The following LPP variants were observed in gnomAD, a reference collection of about 807,000 sequenced individuals.
LPP encodes LIM domain containing preferred translocation partner in lipoma.
Under a neutral mutation model 60.4 loss-of-function variants are expected in LPP, and 38 were observed. That is an observed-to-expected ratio of 0.63 (90% confidence interval 0.49 to 0.83). The LOEUF (loss-of-function observed/expected upper bound fraction) is 0.83. LPP is among the 40% of genes least tolerant of loss of function. The pLI, the probability that LPP is intolerant of heterozygous loss-of-function variation, is 0.00. For missense variants in LPP, 902 were observed against 783.6 expected (o/e 1.15, Z -1.80); for synonymous variants, 328 against 290.8 (o/e 1.13, Z -1.30).
chr3:188,824,435 T>C (rs1754833320), intron 9 of LPP, among the ~76,000 whole-genome samples: 1 of 152,194 alleles, frequency 6.6e-6, no homozygotes, highest in Non-Finnish European at 1.5e-5. Flanking sequence ...CAAGAACCAT[T>C]TATGGCTAGT....
intron 9 of LPP, among the ~76,000 whole-genome samples, chr3:188,863,737 A>T (rs1256426431): frequency 1.3e-5 from 2 of 152,272 alleles, no homozygotes; most frequent in East Asian, 3.9e-4. Context: ...TTTTAATCAC[A>T]TTTTATACTT....
chr3:188,272,901 C>T (rs1738294512), intron 2 of LPP, among the ~76,000 whole-genome samples: 1 of 152,158 alleles, frequency 6.6e-6, no homozygotes. Context: ...ACCCCTTTAA[C>T]ACCTATTAAC....
chr3:188,422,593 G>T (rs1334481246), intron 4 of LPP, among the ~76,000 whole-genome samples: 2 of 152,016 alleles, frequency 1.3e-5, no homozygotes, highest in Admixed American at 6.6e-5. Flanking sequence ...GAGTTTTCTG[G>T]TTTTTACAAA....
At chr3:188,859,532 C>G (rs886225227) in intron 9 of LPP, among the ~76,000 whole-genome samples, 15 of 152,298 alleles carry the variant, frequency 9.8e-5, no homozygotes, top group African/African-American at 3.6e-4. Context: ...CCTTTGAGGG[C>G]AAGGATGGCA....
chr3:188,355,451 C>T (rs1439611093), intron 3 of LPP, among the ~76,000 whole-genome samples: 1 of 152,140 alleles, frequency 6.6e-6, no homozygotes, highest in Non-Finnish European at 1.5e-5. Context: ...AATCCCTCTG[C>T]TTTATAGACT....
intron 6 of LPP, among the ~76,000 whole-genome samples, chr3:188,599,786 GT>G (rs1840742258): frequency 6.6e-6 from 1 of 151,304 alleles, no homozygotes; most frequent in African/African-American, 2.4e-5. Flanking sequence ...GTGTGTGTGT[GT>G]GTGGTGTGTG....
At chr3:188,774,038 A>C (rs1736935735) in intron 9 of LPP, among the ~76,000 whole-genome samples, 1 of 152,214 alleles carries the variant, frequency 6.6e-6, no homozygotes, top group Admixed American at 6.5e-5. Flanking sequence ...AAAGCTTAGA[A>C]AACCAGGGGG....
intron 6 of LPP, among the ~76,000 whole-genome samples, chr3:188,602,515 A>G (rs1335190164): frequency 2.1e-4 from 32 of 151,904 alleles, no homozygotes; most frequent in Admixed American, 2.0e-3. Context: ...GCCATTATTT[A>G]TTAAGTGCCT....
At chr3:188,763,818 T>C (rs1390513996) in intron 9 of LPP, among the ~76,000 whole-genome samples, 1 of 152,108 alleles carries the variant, frequency 6.6e-6, no homozygotes, top group Non-Finnish European at 1.5e-5. Context: ...ATTTTATTTT[T>C]TATTTTGAAT....
Position 188,890,277 on chromosome 3 carries a change from G to A in LPP, c.*15798G>A. ...GGAAAGGCACACAAAAACATATAAA[G>A]AATATGTCTATTTTCATATGTGTGA... On this transcript the variant is annotated 3_prime_UTR_variant, in exon 12 of 12. Transcript: ENST00000617246. 4.8e-6 allele frequency: 1 copy of A among 210,504 alleles called. No individual in the cohort carries two copies. The highest frequency in any genetic ancestry group is 9.6e-6 in the Non-Finnish European group (1 of 103,636). The allele number at this position is 210,504 out of a possible 1,614,324, so 13.0% of individuals were successfully genotyped here.
intron 6 of LPP, among the ~76,000 whole-genome samples, chr3:188,574,087 C>T: frequency 6.6e-6 from 1 of 152,114 alleles, no homozygotes; most frequent in East Asian, 1.9e-4. Context: ...AGGCTTCTTT[C>T]CAAGCCCTCC....
chr3:188,843,371 T>G (rs573360320), intron 9 of LPP, among the ~76,000 whole-genome samples: 80 of 152,330 alleles, frequency 5.3e-4, no homozygotes, highest in Admixed American at 2.9e-3. Context: ...GTGGCAGCTC[T>G]GCGCTGGCTT....
intron 4 of LPP, among the ~76,000 whole-genome samples, chr3:188,462,618 GTGTGTGTGTGTGTGTGTTAC>G (rs1367751676): frequency 6.2e-5 from 8 of 128,780 alleles, no homozygotes; most frequent in Non-Finnish European, 1.2e-4. Context: ...GTGTGTGTGT[GTGTGTGTGTGTGTGTGTTAC>G]TTTTTTGGGT....
At position 188,352,304 on chromosome 3, in the gene LPP, G is replaced by A. The variant is rs1384634330; in HGVS notation, c.-10+10585G>A. Among the ~76,000 whole-genome samples, 3 of 152,320 alleles carry A rather than the reference G, an allele frequency of 2.0e-5. No individual in the cohort carries two copies. The highest frequency in any genetic ancestry group is 3.9e-4 in the East Asian group (2 of 5,178). On this transcript the variant is annotated intron_variant, in intron 3 of 11. Transcript: ENST00000617246. The surrounding 1 kb of genome is among the most constrained non-coding windows in gnomAD (Gnocchi z 4.4). ...TGCTGTTCTGAAATGTGGCAGCTGC[G>A]CACACGTATTGGCTGCTTTTTCTCC...
chr3:188,458,376 T>C (rs146226918), intron 4 of LPP, among the ~76,000 whole-genome samples: 142 of 152,306 alleles, frequency 9.3e-4, no homozygotes, highest in African/African-American at 3.2e-3. Flanking sequence ...CATAGTGCAT[T>C]TTAACTAATA....
chr3:188,203,601 A>ATAAATATATATT (rs1732268699), intron 1 of LPP, among the ~76,000 whole-genome samples: 1 of 113,434 alleles, frequency 8.8e-6, no homozygotes, highest in Admixed American at 1.3e-4. Flanking sequence ...TTAAATATAT[A>ATAAATATATATT]TAAATATATA....
intron 7 of LPP, among the ~76,000 whole-genome samples, chr3:188,683,861 A>G (rs1384793794): frequency 2.6e-5 from 4 of 152,224 alleles, no homozygotes; most frequent in African/African-American, 9.6e-5. Flanking sequence ...GGATTCAAAC[A>G]CATTATGCAT....
intron 5 of LPP, among the ~76,000 whole-genome samples, chr3:188,491,595 G>A (rs1808400664): frequency 2.6e-5 from 4 of 152,266 alleles, no homozygotes; most frequent in Admixed American, 6.5e-5. Context: ...AGCAGCAGCA[G>A]CTTGCTTTGC....
In LPP at chr3:188,866,296, G is replaced by A. The variant is rs369192299; in HGVS notation, c.1507G>A (p.Val503Met). The change falls in exon 10 of 12, where the codon GTG becomes ATG. Residue 503 changes from valine to methionine, a missense_variant. Val to Met is a conservative substitution (Grantham distance 21). Transcript: ENST00000617246. ...CTATCATCCTCACTGTTTCACCTGC[G>A]TGATGTGCCACCGCAGCCTGGATGG... is the stretch of plus-strand genomic sequence containing the variant. ...KAYHPHCFTC[V>M]MCHRSLDGIP... The A allele has an allele frequency of 8.5e-5, 135 of 1,591,594 alleles. No homozygotes were observed. Among genetic ancestry groups the A allele is most frequent in the Non-Finnish European group, 1.1e-4 (127 of 1,168,324 alleles).
Sources: gnomAD v4.1 joint callset for allele counts (sites outside exome capture counted in the v4.1 genomes callset) on GRCh38, gnomAD v4.1.1 for gene constraint, Gnocchi (gnomAD v3.1) non-coding constraint, MANE v1.5 for transcripts, NCBI Gene and HGNC (gene_info 2026-07-23, HGNC 2026-07-21) for gene names.